Variants in KCNG3 observed in about 807,000 individuals in gnomAD.
The protein encoded by KCNG3 is potassium voltage-gated channel modifier subfamily G member 3.
Under a neutral mutation model 29.0 loss-of-function variants are expected in KCNG3, and 15 were observed. The observed-to-expected ratio is 0.52, with a 90% CI of 0.35 to 0.80. The LOEUF is 0.80. Ranked by LOEUF, KCNG3 falls within the 30% of genes least tolerant of loss-of-function variation. The pLI is 0.01. For synonymous variants in KCNG3, 322 were observed against 248.9 expected (o/e 1.29, Z -2.76); for missense variants, 512 against 605.7 (o/e 0.85, Z 1.62).
At chr2:42,389,666 C>G in the KCNG3 span, among the ~76,000 whole-genome samples, 1 of 152,140 alleles carries the variant, frequency 6.6e-6, no homozygotes, top group Non-Finnish European at 1.5e-5. Flanking sequence ...GATATATTAC[C>G]TGACCATTGT....
At chr2:42,469,976 G>A in intron 1 of KCNG3, 4 of 458,764 alleles carry the variant, frequency 8.7e-6, no homozygotes, top group South Asian at 2.7e-5. Flanking sequence ...GTGATACAGA[G>A]AGACACATGG....
the KCNG3 span, among the ~76,000 whole-genome samples, chr2:42,409,722 AAAAAAAATT>A: frequency 3.1e-4 from 40 of 130,636 alleles, no homozygotes; most frequent in Middle Eastern, 4.0e-3. Flanking sequence ...AAAAAAAAAA[AAAAAAAATT>A]TTTTTTTAAA....
chr2:42,417,104 G>A, the KCNG3 span, among the ~76,000 whole-genome samples: 1 of 151,936 alleles, frequency 6.6e-6, no homozygotes, highest in South Asian at 2.1e-4. Context: ...TTAACCAGGT[G>A]TGATGGTGGG....
Position 42,444,641 on chromosome 2 carries a change from A to G in KCNG3, c.666-62T>C. On this transcript the variant is annotated intron_variant, in intron 1 of 1. Transcript: ENST00000306078. The surrounding 1 kb of genome is among the most constrained non-coding windows in gnomAD (Gnocchi z 5.8). Reference sequence around the variant, plus strand: ...TTTTAAGCATTTTAATAGCTCTTAGATTTCTTCAGATAGTACTACACTGAC... The same window carrying G: ...TTTTAAGCATTTTAATAGCTCTTAGGTTTCTTCAGATAGTACTACACTGAC... The G allele has an allele frequency of 4.9e-6, 7 of 1,418,960 alleles. No homozygotes were observed. Among genetic ancestry groups the G allele is most frequent in the Non-Finnish European group, 6.8e-6 (7 of 1,034,706 alleles). 87.9% of individuals were successfully genotyped at this position (1,418,960 alleles called of 1,614,324 possible).
At chr2:42,432,892 T>C in the KCNG3 span, among the ~76,000 whole-genome samples, 1 of 150,554 alleles carries the variant, frequency 6.6e-6, no homozygotes, top group Non-Finnish European at 1.5e-5. Flanking sequence ...ACGAAGTCTG[T>C]CCATTTCTTC....
the KCNG3 span, among the ~76,000 whole-genome samples, chr2:42,419,294 G>C: frequency 2.4e-3 from 329 of 135,458 alleles, 2 homozygotes; most frequent in Middle Eastern, 4.7e-3. Flanking sequence ...CTGGAGTGCA[G>C]TGGTGCAATC....
intron 1 of KCNG3, chr2:42,464,071 T>C: frequency 4.7e-6 from 1 of 213,572 alleles, no homozygotes; most frequent in Non-Finnish European, 9.5e-6. Context: ...GGGGGCTGCC[T>C]CAACAAATGA....
chr2:42,461,805 T>A (rs942984385), intron 1 of KCNG3, among the ~76,000 whole-genome samples: 3 of 152,212 alleles, frequency 2.0e-5, no homozygotes, highest in African/African-American at 4.8e-5. Flanking sequence ...AGTAAAAGAA[T>A]TATGAGACTA....
At chr2:42,482,886 C>G (rs1267028395) in intron 1 of KCNG3, among the ~76,000 whole-genome samples, 3 of 151,972 alleles carry the variant, frequency 2.0e-5, no homozygotes, top group Admixed American at 6.6e-5. Context: ...TTTGGGAGAC[C>G]GAGATACATG....
the KCNG3 span, among the ~76,000 whole-genome samples, chr2:42,432,945 AAAAC>A: frequency 3.5e-5 from 5 of 144,438 alleles, no homozygotes; most frequent in South Asian, 2.4e-4. Context: ...AAAAAAAAAA[AAAAC>A]AAAAAAACAA....
At chr2:42,401,416 G>A in the KCNG3 span, among the ~76,000 whole-genome samples, 2 of 150,242 alleles carry the variant, frequency 1.3e-5, no homozygotes, top group Non-Finnish European at 3.0e-5. Context: ...ATTATATAGA[G>A]AAAAATATAT....
At chr2:42,411,399 A>T in the KCNG3 span, among the ~76,000 whole-genome samples, 1 of 152,144 alleles carries the variant, frequency 6.6e-6, no homozygotes, top group African/African-American at 2.4e-5. Context: ...TTCTGATCCA[A>T]GCACACGCAA....
At chr2:42,455,846 T>C (rs1572846467) in intron 1 of KCNG3, among the ~76,000 whole-genome samples, 1 of 151,336 alleles carries the variant, frequency 6.6e-6, no homozygotes, top group Non-Finnish European at 1.5e-5. Context: ...AATAGCTGAC[T>C]TGAAAAAGCT....
chr2:42,428,047 TTAAA>T, the KCNG3 span, among the ~76,000 whole-genome samples: 1 of 152,238 alleles, frequency 6.6e-6, no homozygotes, highest in East Asian at 1.9e-4. Flanking sequence ...TTTTTAATTA[TTAAA>T]TAGTCTGATG....
In KCNG3 at chr2:42,460,376, T is replaced by C. The variant is rs1672985923; in HGVS notation, c.666-15797A>G. On this transcript the variant is annotated intron_variant, in intron 1 of 1. Coordinates refer to ENST00000306078, the MANE Select transcript of KCNG3 (RefSeq NM_133329.6). ...AATATAAATCAATTAACTAATTAATTAATAATTAAATCATTTCAAAATAAA... is the reference window on the plus strand; with the variant it reads ...AATATAAATCAATTAACTAATTAATCAATAATTAAATCATTTCAAAATAAA... 2.0e-5 allele frequency among the ~76,000 whole-genome samples: 3 copies of C among 152,054 alleles called. No homozygotes were observed. In the South Asian group the frequency reaches 6.2e-4, roughly 31 times the overall value.
At chr2:42,408,753 G>A in the KCNG3 span, among the ~76,000 whole-genome samples, 1 of 152,128 alleles carries the variant, frequency 6.6e-6, no homozygotes, top group Non-Finnish European at 1.5e-5. Context: ...ATGGAATGAT[G>A]AGGTTAAAAG....
the KCNG3 span, chr2:42,413,604 C>G: frequency 6.6e-6 from 1 of 152,154 alleles, no homozygotes; most frequent in African/African-American, 2.4e-5. Flanking sequence ...CGTTCTCACA[C>G]TGCTATAAAG....
intron 1 of KCNG3, among the ~76,000 whole-genome samples, chr2:42,471,214 T>C (rs944949061): frequency 2.0e-4 from 30 of 149,630 alleles, no homozygotes; most frequent in Non-Finnish European, 3.9e-4. Context: ...ACACAAAAAT[T>C]TGGACACAAA....
At chr2:42,390,720 C>G in the KCNG3 span, among the ~76,000 whole-genome samples, 6 of 152,196 alleles carry the variant, frequency 3.9e-5, no homozygotes, top group Non-Finnish European at 7.3e-5. Flanking sequence ...CTTAGAGAGG[C>G]CTGTTTCTCT....
Sources: gnomAD v4.1 joint callset for allele counts (sites outside exome capture counted in the v4.1 genomes callset) on GRCh38, gnomAD v4.1.1 for gene constraint, Gnocchi (gnomAD v3.1) non-coding constraint, MANE v1.5 for transcripts, NCBI Gene and HGNC (gene_info 2026-07-23, HGNC 2026-07-21) for gene names.